The following KBTBD3 variants were observed in gnomAD, a reference collection of about 807,000 sequenced individuals.
KBTBD3 encodes kelch repeat and BTB domain containing 3.
A neutral mutation model predicts 49.6 loss-of-function variants in KBTBD3; 38 were observed. The observed-to-expected ratio is 0.77, with a 90% CI of 0.59 to 1.00. KBTBD3 has a LOEUF of 1.00. KBTBD3 is among the 50% of genes least tolerant of loss of function. The pLI is 0.00. For missense variants in KBTBD3, 661 were observed against 712.0 expected, an observed-to-expected ratio of 0.93 and a Z score of 0.81; for synonymous variants, 214 against 250.4, an observed-to-expected ratio of 0.85 and a Z score of 1.37.
rs186385711 is a variant in KBTBD3, at chr11:106,051,365, A to C, written c.*1485T>G. The C allele has an allele frequency of 1.3e-5, 2 of 151,970 alleles. No homozygotes were observed. The highest frequency in any genetic ancestry group is 2.9e-5 in the Non-Finnish European group (2 of 67,900). The allele number at this position is 151,970 out of a possible 1,614,324, so 9.4% of individuals were successfully genotyped here. On this transcript the variant is annotated 3_prime_UTR_variant, in exon 4 of 4. Transcript: ENST00000531837. ...AATCAGGAACAGTCCTTGATTTTTA[A>C]ACTTCATGAAAATGTACTCTGATAT...
rs112038712 is a variant in KBTBD3 at position 106,065,505 on chromosome 11, G to T, written c.-12-6396C>A. On this transcript the variant is annotated intron_variant, in intron 2 of 3. Coordinates refer to ENST00000531837, the MANE Select transcript of KBTBD3 (RefSeq NM_198439.3). ...TGGAGGAAAACCAGGAGAGGCAGTA[G>T]AAACTAAGGGAAGAGAATTTCAAGT... 3.3e-3 allele frequency among the ~76,000 whole-genome samples: 502 copies of T among 152,268 alleles called. 2 individuals carry two copies. Among genetic ancestry groups the T allele is most frequent in the African/African-American group, 0.011 (476 of 41,532 alleles).
chr11:106,054,357 T>G lies in KBTBD3; in HGVS notation c.332A>C (p.Tyr111Ser). Reference protein sequence around the residue: ...KAVKAFLDYAYTGKTKITDDN... With the variant: ...KAVKAFLDYASTGKTKITDDN... ...ATCTGTTATTTTTGTTTTTCCAGTA[T>G]AGGCATAATCGAGAAATGCTTTTAC... The change falls in exon 4 of 4, where the codon TAT (tyrosine) becomes TCT (serine). Residue 111 changes from tyrosine (Y) to serine (S), a missense_variant. Transcript: ENST00000531837. 2.5e-6 allele frequency: 4 copies of G among 1,612,696 alleles called. No individual in the cohort carries two copies. The highest frequency in any genetic ancestry group is 2.5e-6 in the Non-Finnish European group (3 of 1,179,220).
Position 106,053,124 on chromosome 11 carries a change from T to C in KBTBD3, c.1565A>G (p.Tyr522Cys), listed in dbSNP as rs1860458250. 1 of 1,613,672 alleles carries C rather than the reference T, an allele frequency of 6.2e-7. No individual in the cohort carries two copies. The highest frequency in any genetic ancestry group is 8.5e-7 in the Non-Finnish European group (1 of 1,179,784). The change falls in exon 4 of 4, where the codon TAT (tyrosine) becomes TGT (cysteine). Residue 522 changes from tyrosine (Y) to cysteine (C), a missense_variant. Transcript: ENST00000531837. ...AACACAAGTGTCTGGACAAAAACTA[T>C]AAACCTTATAGGTGGAAAGGTCACA... The part of the protein sequence containing the change: ...YICDLSTYKV[Y>C]SFCPDTCVWK...
chr11:106,064,683 G>T (rs1410892844), intron 2 of KBTBD3, among the ~76,000 whole-genome samples: 1 of 152,132 alleles, frequency 6.6e-6, no homozygotes, highest in Non-Finnish European at 1.5e-5. Flanking sequence ...CTGTGCAAAG[G>T]ATCAAGGTGT....
At chr11:106,071,541 A>G (rs1044479497) in intron 2 of KBTBD3, among the ~76,000 whole-genome samples, 13 of 152,162 alleles carry the variant, frequency 8.5e-5, no homozygotes, top group Admixed American at 2.6e-4. Flanking sequence ...AAAATAATAT[A>G]AAGAATCACA....
chr11:106,060,319 A>G (rs1860661967), intron 2 of KBTBD3, among the ~76,000 whole-genome samples: 1 of 152,080 alleles, frequency 6.6e-6, no homozygotes, highest in South Asian at 2.1e-4. Flanking sequence ...ATATAAATGG[A>G]TAACTGTAAA....
intron 2 of KBTBD3, among the ~76,000 whole-genome samples, chr11:106,061,472 T>G (rs1448975634): frequency 2.6e-5 from 4 of 152,330 alleles, no homozygotes; most frequent in African/African-American, 9.6e-5. Context: ...CATTTTTGGT[T>G]AAACATTACT....
At chr11:106,058,139 C>T in intron 3 of KBTBD3, 1 of 378,112 alleles carries the variant, frequency 2.6e-6, no homozygotes, top group Non-Finnish European at 4.7e-6. Flanking sequence ...AATCCCAGCA[C>T]TTTGGGAGGC....
At chr11:106,058,584 C>T (rs1404052519) in intron 3 of KBTBD3, among the ~76,000 whole-genome samples, 1 of 151,698 alleles carries the variant, frequency 6.6e-6, no homozygotes, top group Non-Finnish European at 1.5e-5. Flanking sequence ...CCATTGCGAC[C>T]GGCTAATTTT....
At chr11:106,071,020 T>C (rs1032837501) in intron 2 of KBTBD3, among the ~76,000 whole-genome samples, 6 of 152,096 alleles carry the variant, frequency 3.9e-5, no homozygotes, top group Non-Finnish European at 7.4e-5. Context: ...TATGCACCCA[T>C]ATGGGGAAAC....
intron 2 of KBTBD3, among the ~76,000 whole-genome samples, chr11:106,066,238 T>C (rs1860808912): frequency 6.6e-6 from 1 of 152,160 alleles, no homozygotes; most frequent in Non-Finnish European, 1.5e-5. Context: ...AGGTAAACAC[T>C]GATAGGCAAA....
rs778153053 is a variant in KBTBD3 at position 106,058,914 on chromosome 11, T to C, written c.184A>G (p.Ile62Val). 6.3e-7 allele frequency: 1 copy of C among 1,577,964 alleles called. No individual in the cohort carries two copies. The highest frequency in any genetic ancestry group is 2.0e-5 in the Admixed American group (1 of 49,484). Residue 62 changes from isoleucine to valine, a missense_variant, in exon 3 of 4, where the codon ATA becomes GTA. Transcript: ENST00000531837. ...YDFKIIMKDE[I>V]IPCHRCVLAA... ...AACACACAACGATGACACGGGATTA[T>C]TTCATCTTTCATAATTATTTTGAAA...
chr11:106,063,068 G>A (rs1860736131), intron 2 of KBTBD3, among the ~76,000 whole-genome samples: 1 of 152,244 alleles, frequency 6.6e-6, no homozygotes, highest in Non-Finnish European at 1.5e-5. Flanking sequence ...GTGATATAAT[G>A]TTGTTAAATA....
chr11:106,074,337 C>A (rs1006793895), intron 2 of KBTBD3, among the ~76,000 whole-genome samples: 1 of 152,178 alleles, frequency 6.6e-6, no homozygotes, highest in Non-Finnish European at 1.5e-5. Flanking sequence ...AGCATCACCT[C>A]CAGTTATCGT....
At position 106,067,313 on chromosome 11, in the gene KBTBD3, A is replaced by G. The variant is rs111712718; in HGVS notation, c.-12-8204T>C. Among the ~76,000 whole-genome samples the G allele has an allele frequency of 7.5e-3, 1,148 of 152,308 alleles. 19 individuals are homozygous for G. The highest frequency in any genetic ancestry group is 0.026 in the African/African-American group (1,080 of 41,566). On this transcript the variant is annotated intron_variant, in intron 2 of 3. Coordinates refer to ENST00000531837, the MANE Select transcript of KBTBD3 (RefSeq NM_198439.3). The stretch of plus-strand genomic sequence containing the variant: ...GAGAAGGCTAAATAATCACTAAAAC[A>G]TCTATGCAGGCCAGGCATGGTGGCT...
At chr11:106,057,860 C>G in intron 3 of KBTBD3, 1 of 378,952 alleles carries the variant, frequency 2.6e-6, no homozygotes, top group Non-Finnish European at 4.7e-6. Context: ...CGGAAATTTT[C>G]TTTTCTCGCA....
chr11:106,061,141 A>T (rs150430994), intron 2 of KBTBD3, among the ~76,000 whole-genome samples: 5 of 152,172 alleles, frequency 3.3e-5, no homozygotes, highest in Admixed American at 1.3e-4. Flanking sequence ...TCTTCACAGC[A>T]TGACAGTCTC....
chr11:106,073,279 T>TTA (rs71041647), intron 2 of KBTBD3, among the ~76,000 whole-genome samples: 31 of 143,908 alleles, frequency 2.2e-4, no homozygotes, highest in Middle Eastern at 7.4e-3. Flanking sequence ...TTTTTTTTTT[T>TTA]AATTTAGAGA....
Position 106,053,546 on chromosome 11 carries a change from ATTTTTC to A in KBTBD3, c.1137_1142del (p.Lys380_Asn381del). 1 of 1,613,760 alleles carries A rather than the reference ATTTTTC, an allele frequency of 6.2e-7. No individual in the cohort carries two copies. Among genetic ancestry groups the A allele is most frequent in the Admixed American group, 1.7e-5 (1 of 59,952 alleles). ...TCATAGTTGATACCAAGAAGAAATC[ATTTTTC>A]ACTGGACAGTAGCACCAGGTTTGAT... On this transcript the variant is annotated inframe_deletion, in exon 4 of 4. Transcript: ENST00000531837.
Sources: allele counts gnomAD v4.1 joint callset (sites outside exome capture counted in the v4.1 genomes callset), GRCh38; gene constraint gnomAD v4.1.1; transcripts MANE v1.5; gene names NCBI Gene and HGNC (gene_info 2026-07-23, HGNC 2026-07-21).